Variants in TMEM168 observed in about 807,000 individuals in gnomAD.
The protein encoded by TMEM168 is transmembrane protein 168.
In TMEM168, 40 loss-of-function variants were observed where a neutral mutation model predicts 53.2. The observed-to-expected ratio is 0.75, with a 90% CI of 0.58 to 0.98. The LOEUF (loss-of-function observed/expected upper bound fraction) is 0.98. Ranked by LOEUF, TMEM168 falls within the 50% of genes least tolerant of loss-of-function variation. The pLI, the probability that TMEM168 is intolerant of heterozygous loss-of-function variation, is 0.00. For missense variants in TMEM168, 771 were observed against 828.8 expected (o/e 0.93, Z 0.86); for synonymous variants, 282 against 293.0 (o/e 0.96, Z 0.38).
At chr7:112,776,451 T>C (rs534664829) in intron 2 of TMEM168, among the ~76,000 whole-genome samples, 1 of 152,232 alleles carries the variant, frequency 6.6e-6, no homozygotes, top group African/African-American at 2.4e-5. Flanking sequence ...GCACATACTA[T>C]ATGCCTAGGT....
At position 112,772,988 on chromosome 7, in the gene TMEM168, T is replaced by A. The variant is rs1485410282; in HGVS notation, c.1339A>T (p.Met447Leu). The A allele has an allele frequency of 6.2e-7, 1 of 1,613,938 alleles. No individual in the cohort carries two copies. The highest frequency in any genetic ancestry group is 8.5e-7 in the Non-Finnish European group (1 of 1,179,844). ...AAAAATCTTTGGATAGCATTGAGCA[T>A]GCCAGTAGACCTCAAATTTAACTCC... The part of the protein sequence containing the change: ...VQELNLRSTG[M>L]LNAIQRFFAY... Residue 447 changes from methionine (M) to leucine (L), a missense_variant, in exon 4 of 5, where the codon ATG (methionine) becomes TTG (leucine). Met to Leu is a conservative substitution (Grantham distance 15, BLOSUM62 2). Coordinates refer to ENST00000312814, the MANE Select transcript of TMEM168 (RefSeq NM_022484.6).
intron 2 of TMEM168, chr7:112,778,498 A>G (rs911021381): frequency 8.5e-5 from 13 of 152,212 alleles, no homozygotes; most frequent in African/African-American, 3.1e-4. Context: ...AAATGGAATC[A>G]GTTCCAATTT....
chr7:112,772,569 T>G (rs939026797), intron 4 of TMEM168, among the ~76,000 whole-genome samples: 3 of 152,222 alleles, frequency 2.0e-5, no homozygotes, highest in African/African-American at 4.8e-5. Flanking sequence ...ATTTTTTTCC[T>G]TCTAATCACT....
intron 3 of TMEM168, among the ~76,000 whole-genome samples, chr7:112,773,728 GAGAA>G (rs1643169957): frequency 6.6e-6 from 1 of 151,968 alleles, no homozygotes; most frequent in Non-Finnish European, 1.5e-5. Context: ...CATTAATATT[GAGAA>G]AGAAAAAATC....
chr7:112,777,953 A>C (rs1402432399), intron 2 of TMEM168, among the ~76,000 whole-genome samples: 1 of 135,822 alleles, frequency 7.4e-6, no homozygotes, highest in Non-Finnish European at 1.6e-5. Context: ...TACCTGGTTA[A>C]ATTTATAAGC....
At chr7:112,772,678 G>C (rs946930009) in intron 4 of TMEM168, 103 bp downstream of exon 4, 3 of 1,376,528 alleles carry the variant, frequency 2.2e-6, no homozygotes, top group African/African-American at 2.9e-5. Flanking sequence ...GCATAGTTCA[G>C]TAAACTAAGA....
chr7:112,778,527 T>C (rs1793150955), intron 2 of TMEM168: 1 of 152,240 alleles, frequency 6.6e-6, no homozygotes, highest in South Asian at 2.1e-4. Flanking sequence ...ATTTCCAGGC[T>C]ATTACATTTT....
Position 112,767,130 on chromosome 7 carries a change from A to G in TMEM168, c.*67T>C. On this transcript the variant is annotated 3_prime_UTR_variant, in exon 5 of 5. Transcript: ENST00000312814. ...TTCCACAAATAAAAATACAGCATAC[A>G]AAAAATGGCAAGTTAGTGATAATTG... 1 of 1,475,704 alleles carries G rather than the reference A, an allele frequency of 6.8e-7. No individual in the cohort carries two copies. Among genetic ancestry groups the G allele is most frequent in the Non-Finnish European group, 9.1e-7 (1 of 1,097,196 alleles). The allele number at this position is 1,475,704 out of a possible 1,614,324, so 91.4% of individuals were successfully genotyped here. A position where few individuals can be genotyped will look rare whatever the true frequency, so the allele number is the denominator to read the frequency against.
At chr7:112,787,770 T>C (rs1321519188) in intron 1 of TMEM168, among the ~76,000 whole-genome samples, 1 of 132,742 alleles carries the variant, frequency 7.5e-6, no homozygotes, top group Non-Finnish European at 1.6e-5. Context: ...TTCATTCTTG[T>C]TGCCCAGGCT....
At chr7:112,779,151 A>T (rs901038493) in intron 2 of TMEM168, among the ~76,000 whole-genome samples, 5 of 152,142 alleles carry the variant, frequency 3.3e-5, no homozygotes, top group Admixed American at 6.5e-5. Flanking sequence ...TTGGCCTCCC[A>T]AACTGCTGGA....
intron 4 of TMEM168, among the ~76,000 whole-genome samples, chr7:112,768,535 TA>T (rs1484548011): frequency 3.3e-5 from 5 of 152,180 alleles, no homozygotes; most frequent in South Asian, 2.1e-4. Context: ...AACAAGGGAT[TA>T]AAAAAATATA....
intron 1 of TMEM168, among the ~76,000 whole-genome samples, chr7:112,789,356 G>A (rs1290127052): frequency 6.6e-6 from 1 of 151,906 alleles, no homozygotes; most frequent in Non-Finnish European, 1.5e-5. Flanking sequence ...TACACCCAGT[G>A]ACTAGCAAAA....
chr7:112,766,950 T>G lies in TMEM168; in HGVS notation c.*247A>C, dbSNP rs1792794345. 1 of 451,432 alleles carries G rather than the reference T, an allele frequency of 2.2e-6. No individual in the cohort carries two copies. Among genetic ancestry groups the G allele is most frequent in the East Asian group, 3.9e-5 (1 of 25,784 alleles). 28.0% of individuals were successfully genotyped at this position (451,432 alleles called of 1,614,324 possible). On this transcript the variant is annotated 3_prime_UTR_variant, in exon 5 of 5. Coordinates refer to ENST00000312814, the MANE Select transcript of TMEM168 (RefSeq NM_022484.6). ...GACCATAAGCAAACATTCCTGAAAG[T>G]GCAGTGTTATTTTTAACGTCTCTTA...
At chr7:112,777,776 T>A (rs1793124462) in intron 2 of TMEM168, among the ~76,000 whole-genome samples, 1 of 152,110 alleles carries the variant, frequency 6.6e-6, no homozygotes, top group Non-Finnish European at 1.5e-5. Context: ...TATGTCCTGA[T>A]CTCTCCTTTT....
At chr7:112,775,828 C>T (rs955380637) in intron 2 of TMEM168, among the ~76,000 whole-genome samples, 41 of 152,080 alleles carry the variant, frequency 2.7e-4, no homozygotes, top group African/African-American at 7.5e-4. Flanking sequence ...AAACTAATTC[C>T]GTTTATATGG....
At position 112,784,058 on chromosome 7, in the gene TMEM168, C is replaced by G; in HGVS notation, c.768G>C (p.Leu256Phe). The change falls in exon 2 of 5, where the codon TTG (leucine) becomes TTC (phenylalanine). Residue 256 changes from leucine to phenylalanine, a missense_variant. Transcript: ENST00000312814. ...LSVTERWKPF[L>F]YRGRICRRLS... ...GTCTTCTGCAAATTCTTCCACGGTA[C>G]AAAAAGGGTTTCCATCTTTCAGTTA... 1 of 1,611,820 alleles carries G rather than the reference C, an allele frequency of 6.2e-7. No homozygotes were observed. Among genetic ancestry groups the G allele is most frequent in the South Asian group, 1.1e-5 (1 of 90,344 alleles).
In TMEM168 at chr7:112,767,328, T is replaced by A; in HGVS notation, c.1963A>T (p.Asn655Tyr). The change falls in exon 5 of 5, where the codon AAT (asparagine) becomes TAT (tyrosine). Residue 655 changes from asparagine to tyrosine, a missense_variant. By Grantham distance (143) the Asn-to-Tyr change is moderately radical (BLOSUM62 -2). Transcript: ENST00000312814. ...AAAAGGTTCAGACCGCATAACCAATTTGCCAAATGCACTAGGGGATATGTA... is the reference window on the plus strand; with the variant it reads ...AAAAGGTTCAGACCGCATAACCAATATGCCAAATGCACTAGGGGATATGTA... ...RITYPLVHLA[N>Y]WLCGLNLFWI... 1 of 1,614,154 alleles carries A rather than the reference T, an allele frequency of 6.2e-7. No homozygotes were observed.
At chr7:112,787,914 T>G (rs1016572767) in intron 1 of TMEM168, among the ~76,000 whole-genome samples, 3 of 151,456 alleles carry the variant, frequency 2.0e-5, no homozygotes, top group Admixed American at 6.6e-5. Context: ...GTATTTTTAG[T>G]AGAGATGGGG....
chr7:112,780,726 A>C (rs1260366184), intron 2 of TMEM168, among the ~76,000 whole-genome samples: 1 of 152,138 alleles, frequency 6.6e-6, no homozygotes, highest in East Asian at 1.9e-4. Flanking sequence ...CCTGTCTCAA[A>C]AACAAAAGTC....
Sources: gnomAD v4.1 joint callset for allele counts (sites outside exome capture counted in the v4.1 genomes callset) on GRCh38, gnomAD v4.1.1 for gene constraint, MANE v1.5 for transcripts, NCBI Gene and HGNC (gene_info 2026-07-23, HGNC 2026-07-21) for gene names.